The following UBOX5 variants were observed in gnomAD, a reference collection of about 807,000 sequenced individuals.
The protein encoded by UBOX5 is U-box domain containing 5, also known as RING finger protein 37.
UBOX5 carries 28 observed loss-of-function variants against 39.0 expected under a neutral mutation model. The observed-to-expected ratio is 0.72, with a 90% CI of 0.53 to 0.98. The LOEUF (loss-of-function observed/expected upper bound fraction) is 0.98, where lower values mean the gene tolerates loss of function less well. UBOX5 is among the 50% of genes least tolerant of loss of function. The probability of loss-of-function intolerance (pLI) is 0.00; values close to 1 mark genes in which losing one functional copy is unlikely to be tolerated. For synonymous variants in UBOX5, 283 were observed against 275.5 expected (o/e 1.03, Z -0.27); for missense variants, 585 against 674.4 (o/e 0.87, Z 1.47).
chr20:3,131,877 G>A (rs142740330), intron 1 of UBOX5, among the ~76,000 whole-genome samples: 93 of 151,888 alleles, frequency 6.1e-4, no homozygotes, highest in African/African-American at 2.0e-3. Context: ...GCAAGGTGGC[G>A]GGCACCTGTA....
At chr20:3,139,150 T>C (rs2066495781) in intron 1 of UBOX5, among the ~76,000 whole-genome samples, 1 of 152,200 alleles carries the variant, frequency 6.6e-6, no homozygotes, top group Non-Finnish European at 1.5e-5. Context: ...TGTCCATCCA[T>C]GAAAAAAGTT....
intron 2 of UBOX5, among the ~76,000 whole-genome samples, chr20:3,123,098 G>A (rs572837483): frequency 6.6e-6 from 1 of 152,262 alleles, no homozygotes; most frequent in East Asian, 1.9e-4. Context: ...AGAGGACCCT[G>A]CACAAAATGA....
At chr20:3,152,641 C>T (rs1162112662) in intron 1 of UBOX5, among the ~76,000 whole-genome samples, 1 of 152,194 alleles carries the variant, frequency 6.6e-6, no homozygotes, top group African/African-American at 2.4e-5. Context: ...GGCACAGTGG[C>T]TCACACCTAT....
chr20:3,152,293 A>G (rs1425703378), intron 1 of UBOX5, among the ~76,000 whole-genome samples: 1 of 150,978 alleles, frequency 6.6e-6, no homozygotes, highest in Non-Finnish European at 1.5e-5. Flanking sequence ...CAGCCTGGCC[A>G]ACATAGTGAA....
rs1274493942 is a variant in UBOX5, at chr20:3,115,444, C to T, written c.1278G>A (p.Lys426=). 6.2e-7 allele frequency: 1 copy of T among 1,613,590 alleles called. No homozygotes were observed. The highest frequency in any genetic ancestry group is 1.1e-5 in the South Asian group (1 of 90,996). Residue 426 remains lysine (K), a synonymous_variant, in exon 4 of 5, where the codon AAG becomes AAA. Coordinates refer to ENST00000217173, the MANE Select transcript of UBOX5 (RefSeq NM_014948.4). ...CSTGPLSHEQ[K]LSQSLEIALA... is the part of the protein sequence containing the mutation. ...AGGCAATTTCCAAGCTTTGTGACAG[C>T]TTCTGCTCGTGGGACAGTGGACCTG... is the stretch of plus-strand genomic sequence containing the variant.
intron 3 of UBOX5, among the ~76,000 whole-genome samples, chr20:3,120,747 G>C (rs2066328944): frequency 6.6e-6 from 1 of 151,970 alleles, no homozygotes; most frequent in Admixed American, 6.6e-5. Context: ...ATTGCAATTT[G>C]TCCACACATT....
At chr20:3,159,601 A>G (rs2066725115) in intron 1 of UBOX5, among the ~76,000 whole-genome samples, 165 bp downstream of exon 1, 1 of 152,272 alleles carries the variant, frequency 6.6e-6, no homozygotes, top group Admixed American at 6.5e-5. Flanking sequence ...CACCACAGCC[A>G]GGCCTGCGAG....
intron 1 of UBOX5, among the ~76,000 whole-genome samples, chr20:3,128,719 T>C (rs1025550382): frequency 2.0e-5 from 3 of 152,022 alleles, no homozygotes; most frequent in African/African-American, 7.2e-5. Flanking sequence ...AAAGATTAGT[T>C]AGGTGTGGTA....
At chr20:3,148,620 CTT>C in intron 1 of UBOX5, 1 of 1,614,170 alleles carries the variant, frequency 6.2e-7, no homozygotes, top group South Asian at 1.1e-5. Flanking sequence ...TTAACTCTGA[CTT>C]TGTGCAAAAT....
intron 2 of UBOX5, among the ~76,000 whole-genome samples, chr20:3,122,907 C>T (rs1237865490): frequency 1.3e-5 from 2 of 152,090 alleles, no homozygotes; most frequent in African/African-American, 4.8e-5. Flanking sequence ...CATAGCAAGA[C>T]CCCATATCCC....
intron 1 of UBOX5, among the ~76,000 whole-genome samples, chr20:3,124,559 G>A (rs916301028): frequency 6.6e-6 from 1 of 152,174 alleles, no homozygotes; most frequent in Non-Finnish European, 1.5e-5. Flanking sequence ...TCTAGGAAGT[G>A]AGGAGCCTCT....
chr20:3,142,959 G>T (rs1259514259), intron 1 of UBOX5, among the ~76,000 whole-genome samples: 1 of 151,168 alleles, frequency 6.6e-6, no homozygotes, highest in Admixed American at 6.6e-5. Context: ...AATCCAAAGT[G>T]GAAAAGAAGA....
At position 3,121,995 on chromosome 20, in the gene UBOX5, T is replaced by C. The variant is rs1243493640; in HGVS notation, c.644A>G (p.Glu215Gly). ...CAGAGCCACATCCTGAGGCAGGTTC[T>C]CTGAGGTGACCAGCAGGATGCTGTC... ...VIDSILLVTSENLPQDVALQA... is the reference protein window; with the variant it reads ...VIDSILLVTSGNLPQDVALQA... Residue 215 changes from glutamate to glycine, a missense_variant, in exon 3 of 5, where the codon GAG becomes GGG. Glu to Gly is a moderately conservative substitution (Grantham distance 98, BLOSUM62 -2). Coordinates refer to ENST00000217173, the MANE Select transcript of UBOX5 (RefSeq NM_014948.4). The C allele has an allele frequency of 6.2e-7, 1 of 1,614,186 alleles. No individual in the cohort carries two copies.
chr20:3,158,513 G>A lies in UBOX5; in HGVS notation c.-42+1253C>T, dbSNP rs532576666. Among the ~76,000 whole-genome samples the A allele has an allele frequency of 3.3e-5, 5 of 151,786 alleles. No individual in the cohort carries two copies. In the East Asian group the frequency reaches 7.7e-4, roughly 24 times the overall value. ...ATTTGAGACGGACTCTCGCTCTCTC[G>A]CCCAGGCTGGAGTGCAGTGGCGCGA... is the stretch of plus-strand genomic sequence containing the variant. On this transcript the variant is annotated intron_variant, in intron 1 of 4. Transcript: ENST00000217173.
intron 1 of UBOX5, among the ~76,000 whole-genome samples, chr20:3,155,917 C>T (rs1253734584): frequency 1.3e-5 from 2 of 152,128 alleles, no homozygotes. Context: ...TATCTACATA[C>T]ACAGGTCTGA....
At chr20:3,128,713 AT>A (rs1280589085) in intron 1 of UBOX5, among the ~76,000 whole-genome samples, 1 of 152,092 alleles carries the variant, frequency 6.6e-6, no homozygotes, top group Non-Finnish European at 1.5e-5. Context: ...AAATAAAAAG[AT>A]TAGTTAGGTG....
intron 1 of UBOX5, among the ~76,000 whole-genome samples, chr20:3,141,735 G>A (rs540143221): frequency 3.9e-5 from 6 of 151,988 alleles, no homozygotes; most frequent in East Asian, 1.9e-4. Context: ...ATACTCAGCC[G>A]GGAGTGGTGG....
rs751887917 is a variant in UBOX5 at position 3,122,562 on chromosome 20, A to G, written c.77T>C (p.Val26Ala). Residue 26 changes from valine to alanine, a missense_variant, in exon 3 of 5, where the codon GTA becomes GCA. Coordinates refer to ENST00000217173, the MANE Select transcript of UBOX5 (RefSeq NM_014948.4). ...GAGATCTTCAGAGATGAGATTTTCT[A>G]CTTCGTAACCATCAGCTGATATCTA... ...CNKISADGYE[V>A]ENLISEDLTK... The G allele has an allele frequency of 5.6e-6, 9 of 1,593,698 alleles. No homozygotes were observed. The highest frequency in any genetic ancestry group is 7.7e-6 in the Non-Finnish European group (9 of 1,167,734).
chr20:3,115,850 G>T (rs1464042219), intron 3 of UBOX5, among the ~76,000 whole-genome samples: 1 of 142,566 alleles, frequency 7.0e-6, no homozygotes, highest in Non-Finnish European at 1.5e-5. Context: ...TGCAACCTTC[G>T]CCTCCTGGAT....
Sources: gnomAD v4.1 joint callset for allele counts (sites outside exome capture counted in the v4.1 genomes callset) on GRCh38, gnomAD v4.1.1 for gene constraint, MANE v1.5 for transcripts, NCBI Gene and HGNC (gene_info 2026-07-23, HGNC 2026-07-21) for gene names.